The following ZNF519 variants were observed in gnomAD, a reference collection of about 807,000 sequenced individuals.
ZNF519 encodes the protein zinc finger protein 519.
A neutral mutation model predicts 7.4 loss-of-function variants in ZNF519; 7 were observed. That is an observed-to-expected ratio of 0.94 (90% CI 0.54 to 1.77). The LOEUF (loss-of-function observed/expected upper bound fraction) is 1.77. ZNF519 is among the 40% of genes most tolerant of loss of function. The pLI is 0.00. For missense variants in ZNF519, 586 were observed against 623.1 expected (o/e 0.94, Z 0.63); for synonymous variants, 179 against 203.3 (o/e 0.88, Z 1.02).
chr18:14,085,953 A>G (rs1435413134), intron 2 of ZNF519, among the ~76,000 whole-genome samples: 3 of 152,196 alleles, frequency 2.0e-5, no homozygotes, highest in African/African-American at 7.2e-5. Flanking sequence ...AGGGCGTATC[A>G]GCATGGGCCT....
chr18:14,096,606 C>G (rs1042513786), downstream of ZNF519, among the ~76,000 whole-genome samples: 5 of 152,132 alleles, frequency 3.3e-5, no homozygotes, highest in Admixed American at 3.3e-4. Context: ...GCCTCAAACA[C>G]CTGGGCTTGA....
chr18:14,080,128 G>C lies in ZNF519; in HGVS notation c.*178-1830C>G, dbSNP rs569113112. 110 of 151,988 alleles carry C rather than the reference G, an allele frequency of 7.2e-4. 1 individual carries two copies. The highest frequency in any genetic ancestry group is 2.6e-3 in the African/African-American group (107 of 41,432). The allele number at this position is 151,988 out of a possible 1,614,324, so 9.4% of individuals were successfully genotyped here. A position where few individuals can be genotyped will look rare whatever the true frequency, so the allele number is the denominator to read the frequency against. On this transcript the variant is annotated intron_variant and NMD_transcript_variant, in intron 3 of 4. Coordinates refer to the ZNF519 transcript ENST00000587419. ...ATGACAAAGAGGCAGACAAAATGAT[G>C]CTCCACGTCATATTTCACCAGGGAA...
intron 1 of ZNF519, among the ~76,000 whole-genome samples, chr18:14,129,896 C>T (rs2046321311): frequency 6.6e-6 from 1 of 152,022 alleles, no homozygotes. Context: ...TTACATATAC[C>T]AGTTTATTAT....
Position 14,117,277 on chromosome 18 carries a change from G to A in ZNF519, c.130+7073C>T, listed in dbSNP as rs142818367. ...TAACATGATTAACAAATGGACAAGA[G>A]ATTAAAATGTTTCTCCAAAGATGAA... On this transcript the variant is annotated intron_variant, in intron 2 of 2. Coordinates refer to ENST00000590202, the MANE Select transcript of ZNF519 (RefSeq NM_145287.4). Among the ~76,000 whole-genome samples, 139 of 152,252 alleles carry A rather than the reference G, an allele frequency of 9.1e-4. 2 individuals are homozygous for A. The highest frequency in any genetic ancestry group is 3.1e-3 in the African/African-American group (129 of 41,548).
At chr18:14,092,860 T>A (rs77866161) in intron 2 of ZNF519, among the ~76,000 whole-genome samples, 3,359 of 152,310 alleles carry the variant, frequency 0.022, 125 homozygotes, top group African/African-American at 0.074. Flanking sequence ...CCTCTCTTCC[T>A]ACATTTAAAG....
intron 3 of ZNF519, among the ~76,000 whole-genome samples, chr18:14,080,596 A>G (rs2046067414): frequency 6.6e-6 from 1 of 152,162 alleles, no homozygotes; most frequent in Admixed American, 6.5e-5. Context: ...CTGGGATTAC[A>G]GGCATAAGCC....
chr18:14,129,459 A>C (rs940549387), intron 1 of ZNF519, among the ~76,000 whole-genome samples: 1 of 152,056 alleles, frequency 6.6e-6, no homozygotes, highest in Admixed American at 6.6e-5. Flanking sequence ...CCTTCACTCT[A>C]AGCTCTCGTT....
rs915094500 is a variant in ZNF519 at position 14,105,314 on chromosome 18, C to G, written c.1226G>C (p.Cys409Ser). Residue 409 changes from cysteine to serine, a missense_variant, in exon 3 of 3, where the codon TGT (cysteine) becomes TCT (serine). Physicochemically the swap from Cys to Ser is moderately radical, Grantham distance 112. Coordinates refer to ENST00000590202, the MANE Select transcript of ZNF519 (RefSeq NM_145287.4). The part of the protein sequence containing the change: ...TGEKPFKCKE[C>S]GKAFNRASHL... ...TGAAGCTCTGTTAAAAGCTTTGCCA[C>G]ATTCCTTACACTTGAAAGGTTTCTC... The G allele has an allele frequency of 1.9e-6, 3 of 1,613,986 alleles. No individual in the cohort carries two copies. The highest frequency in any genetic ancestry group is 2.5e-6 in the Non-Finnish European group (3 of 1,179,926).
At chr18:14,128,235 G>A (rs1259634205) in intron 1 of ZNF519, among the ~76,000 whole-genome samples, 1 of 152,110 alleles carries the variant, frequency 6.6e-6, no homozygotes, top group Non-Finnish European at 1.5e-5. Context: ...AGAGCTTGCA[G>A]TGCGCCGAGA....
rs568908560 is a variant in ZNF519 at position 14,129,042 on chromosome 18, C to T, written c.3+3233G>A. Among the ~76,000 whole-genome samples, 98 of 152,146 alleles carry T rather than the reference C, an allele frequency of 6.4e-4. 1 individual carries two copies. Among genetic ancestry groups the T allele is most frequent in the South Asian group, 5.6e-3 (27 of 4,818 alleles). Reference sequence around the variant, plus strand: ...GAAAAAAGCAGAAAAGAGAAAGATGCTATCAAGAACTATGGGTGGGGATGC... The same window carrying T: ...GAAAAAAGCAGAAAAGAGAAAGATGTTATCAAGAACTATGGGTGGGGATGC... On this transcript the variant is annotated intron_variant, in intron 1 of 2. Coordinates refer to ENST00000590202, the MANE Select transcript of ZNF519 (RefSeq NM_145287.4).
chr18:14,110,633 G>C (rs2046215349), intron 2 of ZNF519, among the ~76,000 whole-genome samples: 1 of 152,074 alleles, frequency 6.6e-6, no homozygotes, highest in Admixed American at 6.6e-5. Flanking sequence ...ACCACAATTA[G>C]ATACCAACTT....
chr18:14,131,533 T>C (rs1467519822), intron 1 of ZNF519, among the ~76,000 whole-genome samples: 1 of 152,216 alleles, frequency 6.6e-6, no homozygotes, highest in African/African-American at 2.4e-5. Flanking sequence ...ACCAGTGTCT[T>C]TGATTAAAGT....
At chr18:14,125,976 G>A (rs1177411864) in intron 1 of ZNF519, among the ~76,000 whole-genome samples, 4 of 152,126 alleles carry the variant, frequency 2.6e-5, no homozygotes, top group Admixed American at 1.3e-4. Flanking sequence ...ATGAGCCACC[G>A]CACCCGGCCT....
rs2046168250 is a variant in ZNF519 at position 14,102,753 on chromosome 18, T to C, written c.*2164A>G. On this transcript the variant is annotated 3_prime_UTR_variant, in exon 3 of 3. Transcript: ENST00000590202. Reference sequence around the variant, plus strand: ...AACCAATTTTGTTAAGTTTAGCTTTTTTAATAAAACAATAAAACTAAATTA... The same window carrying C: ...AACCAATTTTGTTAAGTTTAGCTTTCTTAATAAAACAATAAAACTAAATTA... 1 of 152,122 alleles carries C rather than the reference T, an allele frequency of 6.6e-6. No homozygotes were observed. The highest frequency in any genetic ancestry group is 2.4e-5 in the African/African-American group (1 of 41,428). The allele number at this position is 152,122 out of a possible 1,614,324, so 9.4% of individuals were successfully genotyped here.
In ZNF519 at chr18:14,105,534, T is replaced by C. The variant is rs184261538; in HGVS notation, c.1006A>G (p.Thr336Ala). 91 of 1,614,090 alleles carry C rather than the reference T, an allele frequency of 5.6e-5. No homozygotes were observed. The East Asian group carries it at 1.8e-3, about 32-fold the overall frequency. The change falls in exon 3 of 3, where the codon ACT becomes GCT. Residue 336 changes from threonine to alanine, a missense_variant. Thr to Ala is a moderately conservative substitution (Grantham distance 58, BLOSUM62 0). Coordinates refer to ENST00000590202, the MANE Select transcript of ZNF519 (RefSeq NM_145287.4). ...CCAGTATGGATTCTCTGATGTTGAG[T>C]AAGGTATGAGCCTCTGTTAAAAGCT... ...GKAFNRGSYL[T>A]QHQRIHTGER...
intron 2 of ZNF519, among the ~76,000 whole-genome samples, chr18:14,108,033 C>A (rs998435002): frequency 4.6e-5 from 7 of 152,166 alleles, no homozygotes; most frequent in Non-Finnish European, 2.9e-5. Context: ...ACAACGCTGG[C>A]AAGCCCTTTG....
chr18:14,116,554 T>C (rs750009759), intron 2 of ZNF519, among the ~76,000 whole-genome samples: 2 of 152,146 alleles, frequency 1.3e-5, no homozygotes, highest in South Asian at 2.1e-4. Flanking sequence ...TAACAACATA[T>C]TAAGGAAAAG....
At chr18:14,121,635 G>A (rs941367383) in intron 2 of ZNF519, among the ~76,000 whole-genome samples, 1 of 151,744 alleles carries the variant, frequency 6.6e-6, no homozygotes, top group East Asian at 1.9e-4. Flanking sequence ...GTTAAACTAT[G>A]GTAAAATTCA....
chr18:14,128,310 A>AAACAAACAAACAAAC (rs569951991), intron 1 of ZNF519, among the ~76,000 whole-genome samples: 2,889 of 151,854 alleles, frequency 0.019, 103 homozygotes, highest in African/African-American at 0.066. Context: ...ACAAACAAAC[A>AAACAAACAAACAAAC]AACTCTCCAC....
Sources: gnomAD v4.1 joint callset for allele counts (sites outside exome capture counted in the v4.1 genomes callset) on GRCh38, gnomAD v4.1.1 for gene constraint, MANE v1.5 for transcripts, NCBI Gene and HGNC (gene_info 2026-07-23, HGNC 2026-07-21) for gene names.